KHDRBS2: variants seen among roughly 807,000 people sequenced by gnomAD.
KHDRBS2 encodes the protein KH RNA binding domain containing, signal transduction associated 2, also known as KH domain-containing, RNA-binding, signal transduction-associated protein 2.
KHDRBS2 carries 26 observed loss-of-function variants against 44.3 expected under a neutral mutation model. That is an observed-to-expected ratio of 0.59 (90% confidence interval 0.43 to 0.81). The LOEUF (loss-of-function observed/expected upper bound fraction) is 0.81. KHDRBS2 is among the 40% of genes least tolerant of loss of function. The pLI is 0.00. For missense variants in KHDRBS2, 476 were observed against 433.1 expected (o/e 1.10, Z -0.88); for synonymous variants, 194 against 151.1 (o/e 1.28, Z -2.08).
intron 6 of KHDRBS2, among the ~76,000 whole-genome samples, chr6:61,846,002 T>C (rs1457670909): frequency 6.6e-6 from 1 of 152,130 alleles, no homozygotes; most frequent in Non-Finnish European, 1.5e-5. Context: ...TGAGATCTGG[T>C]CATTTAAAAG....
intron 2 of KHDRBS2, among the ~76,000 whole-genome samples, chr6:62,086,925 C>A (rs1584608589): frequency 6.8e-6 from 1 of 147,138 alleles, no homozygotes; most frequent in Non-Finnish European, 1.5e-5. Context: ...AAAATTGGAG[C>A]AGAACAGTGC....
At chr6:61,650,938 G>A in the KHDRBS2 span, among the ~76,000 whole-genome samples, 1 of 151,998 alleles carries the variant, frequency 6.6e-6, no homozygotes, top group Non-Finnish European at 1.5e-5. Flanking sequence ...ACATTTCTGA[G>A]GCATCTCTGG....
At chr6:61,722,432 A>G (rs1253148533) in intron 7 of KHDRBS2, among the ~76,000 whole-genome samples, 1 of 152,158 alleles carries the variant, frequency 6.6e-6, no homozygotes, top group Admixed American at 6.6e-5. Context: ...AACCTCCTCT[A>G]GAATCTCTAC....
At chr6:61,965,991 G>A (rs1303018780) in intron 4 of KHDRBS2, among the ~76,000 whole-genome samples, 2 of 151,972 alleles carry the variant, frequency 1.3e-5, no homozygotes, top group Non-Finnish European at 2.9e-5. Context: ...ATCAGCAATA[G>A]ACAGAAAAGC....
the KHDRBS2 span, among the ~76,000 whole-genome samples, chr6:61,544,804 A>G: frequency 4.6e-5 from 7 of 152,112 alleles, no homozygotes; most frequent in African/African-American, 1.7e-4. Context: ...GCTGGAAACC[A>G]TCATTCTCAG....
At chr6:61,615,219 C>CCAAAAAAAAA in the KHDRBS2 span, among the ~76,000 whole-genome samples, 2 of 101,014 alleles carry the variant, frequency 2.0e-5, no homozygotes, top group Admixed American at 1.4e-4. Context: ...GGTGACAGAG[C>CCAAAAAAAAA]AAGACTCCAT....
At chr6:62,168,708 G>C (rs1180499303) in intron 2 of KHDRBS2, among the ~76,000 whole-genome samples, 1 of 151,838 alleles carries the variant, frequency 6.6e-6, no homozygotes, top group East Asian at 1.9e-4. Flanking sequence ...TATTCTTTTG[G>C]TATCTGTAAC....
chr6:62,048,111 G>A lies in KHDRBS2; in HGVS notation c.220-117C>T. The A allele has an allele frequency of 5.2e-6, 3 of 580,832 alleles. No individual in the cohort carries two copies. The South Asian group carries it at 5.2e-5, about 10-fold the overall frequency. The allele number at this position is 580,832 out of a possible 1,614,324, so 36.0% of individuals were successfully genotyped here. A position where few individuals can be genotyped will look rare whatever the true frequency, so the allele number is the denominator to read the frequency against. On this transcript the variant is annotated intron_variant, in intron 2 of 8. Transcript: ENST00000281156. The stretch of plus-strand genomic sequence containing the variant: ...ACTTTACCACTGAGAAGAGAGTCAT[G>A]CCATAAACATACACACACACACACA...
chr6:61,635,032 CA>C, the KHDRBS2 span, among the ~76,000 whole-genome samples: 4 of 151,896 alleles, frequency 2.6e-5, no homozygotes, highest in Non-Finnish European at 5.9e-5. Flanking sequence ...TTAACAAAAT[CA>C]AAATTCCTGT....
intron 2 of KHDRBS2, among the ~76,000 whole-genome samples, chr6:62,093,863 T>TGG (rs1288399910): frequency 9.7e-6 from 1 of 102,704 alleles, no homozygotes; most frequent in Non-Finnish European, 2.0e-5. Context: ...GTTTTGTGTG[T>TGG]GTGTGTGTGT....
At chr6:62,266,206 A>G (rs1839174249) in intron 1 of KHDRBS2, among the ~76,000 whole-genome samples, 1 of 151,970 alleles carries the variant, frequency 6.6e-6, no homozygotes, top group Non-Finnish European at 1.5e-5. Flanking sequence ...ACATTATAGC[A>G]TCCTATGCAT....
At chr6:61,616,158 T>A in the KHDRBS2 span, among the ~76,000 whole-genome samples, 2 of 152,184 alleles carry the variant, frequency 1.3e-5, no homozygotes, top group Non-Finnish European at 2.9e-5. Flanking sequence ...ACTAGCAGCA[T>A]CATTGAATGG....
At chr6:61,594,460 G>C in the KHDRBS2 span, among the ~76,000 whole-genome samples, 1 of 151,984 alleles carries the variant, frequency 6.6e-6, no homozygotes, top group African/African-American at 2.4e-5. Context: ...CTTCCTTGAA[G>C]ACACAATACT....
At chr6:61,803,371 T>C (rs1015789292) in intron 6 of KHDRBS2, among the ~76,000 whole-genome samples, 1 of 152,158 alleles carries the variant, frequency 6.6e-6, no homozygotes, top group Non-Finnish European at 1.5e-5. Flanking sequence ...ATTAAAAGCC[T>C]GCTGACCCTG....
chr6:62,059,695 A>G (rs1225657405), intron 2 of KHDRBS2, among the ~76,000 whole-genome samples: 1 of 151,798 alleles, frequency 6.6e-6, no homozygotes, highest in African/African-American at 2.4e-5. Flanking sequence ...GTATGGGTAG[A>G]CCTTGAGAGA....
chr6:61,577,080 A>G, the KHDRBS2 span, among the ~76,000 whole-genome samples: 1 of 151,436 alleles, frequency 6.6e-6, no homozygotes, highest in Non-Finnish European at 1.5e-5. Context: ...CTTTCCTCTT[A>G]TGATACCTGG....
At chr6:61,566,246 G>C in the KHDRBS2 span, among the ~76,000 whole-genome samples, 7 of 152,118 alleles carry the variant, frequency 4.6e-5, no homozygotes, top group Non-Finnish European at 7.4e-5. Context: ...GTGCAGTGGG[G>C]AGGCGAGGAT....
At chr6:61,582,119 G>GTT in the KHDRBS2 span, among the ~76,000 whole-genome samples, 160 of 151,856 alleles carry the variant, frequency 1.1e-3, no homozygotes, top group African/African-American at 3.7e-3. Flanking sequence ...TGATCTAAAA[G>GTT]TTTTTATATT....
At chr6:61,750,331 G>A (rs979545194) in intron 6 of KHDRBS2, among the ~76,000 whole-genome samples, 11 of 152,154 alleles carry the variant, frequency 7.2e-5, no homozygotes, top group African/African-American at 2.2e-4. Context: ...AATTGTGATC[G>A]TGCTTATACA....
Sources: gnomAD v4.1 joint callset for allele counts (sites outside exome capture counted in the v4.1 genomes callset) on GRCh38, gnomAD v4.1.1 for gene constraint, MANE v1.5 for transcripts, NCBI Gene and HGNC (gene_info 2026-07-23, HGNC 2026-07-21) for gene names.